EVI5: variants seen among roughly 807,000 people sequenced by gnomAD.
EVI5 encodes ecotropic viral integration site 5.
A neutral mutation model predicts 112.0 loss-of-function variants in EVI5; 73 were observed. The ratio of observed to expected loss-of-function variants is 0.65; its 90% confidence interval spans 0.54 to 0.79. The LOEUF (loss-of-function observed/expected upper bound fraction) is 0.79. Among genes scored for constraint, EVI5 ranks in the 30% least tolerant of loss-of-function variants. The pLI is 0.00. For synonymous variants in EVI5, 305 were observed against 319.9 expected, an observed-to-expected ratio of 0.95 and a Z score of 0.50; for missense variants, 900 against 968.8, an observed-to-expected ratio of 0.93 and a Z score of 0.94.
At chr1:92,627,678 G>A (rs1170333012) in intron 14 of EVI5, among the ~76,000 whole-genome samples, 1 of 152,110 alleles carries the variant, frequency 6.6e-6, no homozygotes, top group Non-Finnish European at 1.5e-5. Flanking sequence ...TTGCATCCAC[G>A]CCAACATCTA....
chr1:92,694,639 C>T (rs1297746702), intron 7 of EVI5, among the ~76,000 whole-genome samples: 3 of 152,108 alleles, frequency 2.0e-5, no homozygotes, highest in Non-Finnish European at 1.5e-5. Flanking sequence ...GGGTTGTGTT[C>T]TAGGAAAACT....
At chr1:92,546,744 G>A (rs929509176) in intron 19 of EVI5, among the ~76,000 whole-genome samples, 10 of 151,970 alleles carry the variant, frequency 6.6e-5, no homozygotes, top group African/African-American at 2.4e-4. Flanking sequence ...GATCAAAAGA[G>A]ACAAAGAAGG....
At chr1:92,652,560 A>G (rs1192908758) in intron 13 of EVI5, among the ~76,000 whole-genome samples, 1 of 152,234 alleles carries the variant, frequency 6.6e-6, no homozygotes, top group African/African-American at 2.4e-5. Flanking sequence ...AAGAAATAAA[A>G]TCAGTATGTT....
intron 1 of EVI5, among the ~76,000 whole-genome samples, chr1:92,744,309 A>G (rs1474377705): frequency 3.9e-5 from 6 of 152,174 alleles, no homozygotes; most frequent in Non-Finnish European, 5.9e-5. Context: ...CAGTCTATAT[A>G]TATCAATTAA....
intron 1 of EVI5, among the ~76,000 whole-genome samples, chr1:92,781,336 G>A (rs1684835457): frequency 6.6e-6 from 1 of 151,756 alleles, no homozygotes; most frequent in African/African-American, 2.4e-5. Flanking sequence ...TTGAAACCCT[G>A]ACTCTACAAA....
chr1:92,597,137 A>G (rs1047923502), intron 18 of EVI5, among the ~76,000 whole-genome samples: 1 of 152,184 alleles, frequency 6.6e-6, no homozygotes, highest in Non-Finnish European at 1.5e-5. Context: ...ACCAATACAG[A>G]ATCTCTAGCA....
Position 92,510,857 on chromosome 1 carries a change from T to C in EVI5, c.*2799A>G, listed in dbSNP as rs976244381. The stretch of plus-strand genomic sequence containing the variant: ...AGTAAAAACTGGCAGCTGACTGCAA[T>C]AGCTTGTAGGCTGCACTTTGCTGAC... On this transcript the variant is annotated 3_prime_UTR_variant, in exon 20 of 20. Coordinates refer to ENST00000684568, the MANE Select transcript of EVI5 (RefSeq NM_001350197.2). 2.6e-5 allele frequency: 4 copies of C among 152,252 alleles called. No homozygotes were observed. The highest frequency in any genetic ancestry group is 5.9e-5 in the Non-Finnish European group (4 of 68,042). The allele number at this position is 152,252 out of a possible 1,614,324, so 9.4% of individuals were successfully genotyped here.
chr1:92,752,501 T>C (rs567408764), intron 1 of EVI5, among the ~76,000 whole-genome samples: 7 of 152,140 alleles, frequency 4.6e-5, no homozygotes, highest in African/African-American at 9.6e-5. Flanking sequence ...TTAATACAGA[T>C]ATTTTTTTCA....
intron 2 of EVI5, among the ~76,000 whole-genome samples, chr1:92,721,369 A>G (rs1674725697): frequency 6.6e-6 from 1 of 152,162 alleles, no homozygotes; most frequent in Non-Finnish European, 1.5e-5. Flanking sequence ...GAGTTCATGT[A>G]CTTTGTAGGG....
At chr1:92,659,485 CAT>C (rs1234240622) in intron 13 of EVI5, among the ~76,000 whole-genome samples, 3 of 152,082 alleles carry the variant, frequency 2.0e-5, no homozygotes, top group Admixed American at 6.5e-5. Flanking sequence ...GGCTAACAAA[CAT>C]ATGAAAAAAA....
chr1:92,540,349 T>G (rs1356944308), intron 19 of EVI5, among the ~76,000 whole-genome samples: 1 of 152,182 alleles, frequency 6.6e-6, no homozygotes, highest in Non-Finnish European at 1.5e-5. Flanking sequence ...TGCAACATTT[T>G]TATTATCTGT....
intron 13 of EVI5, among the ~76,000 whole-genome samples, chr1:92,654,186 C>A (rs1662634831): frequency 1.3e-5 from 2 of 152,112 alleles, no homozygotes; most frequent in Non-Finnish European, 2.9e-5. Flanking sequence ...GAACTTCCCC[C>A]ATTAAACAAA....
At chr1:92,551,435 AT>A (rs1186843332) in intron 19 of EVI5, among the ~76,000 whole-genome samples, 1 of 152,188 alleles carries the variant, frequency 6.6e-6, no homozygotes, top group Non-Finnish European at 1.5e-5. Flanking sequence ...AGTAGGAATA[AT>A]CAGCTTTGAA....
intron 16 of EVI5, among the ~76,000 whole-genome samples, chr1:92,619,816 A>G (rs1424339476): frequency 6.6e-6 from 1 of 152,118 alleles, no homozygotes; most frequent in East Asian, 1.9e-4. Context: ...TAACAGACGT[A>G]AAGAATACCT....
At chr1:92,744,757 T>A (rs1679011897) in intron 1 of EVI5, among the ~76,000 whole-genome samples, 2 of 152,106 alleles carry the variant, frequency 1.3e-5, no homozygotes, top group Non-Finnish European at 2.9e-5. Flanking sequence ...TAAAAGGATG[T>A]TTGCATTTTG....
chr1:92,603,799 G>A (rs1262981534), intron 18 of EVI5, among the ~76,000 whole-genome samples: 1 of 151,884 alleles, frequency 6.6e-6, no homozygotes, highest in East Asian at 1.9e-4. Context: ...TGTGATCATG[G>A]CTTACTGCAG....
At chr1:92,596,169 G>C (rs957637967) in intron 18 of EVI5, among the ~76,000 whole-genome samples, 1 of 151,970 alleles carries the variant, frequency 6.6e-6, no homozygotes, top group Non-Finnish European at 1.5e-5. Flanking sequence ...CCAGTCTGGG[G>C]AACATGGCGA....
At chr1:92,699,949 T>C (rs1184460116) in intron 5 of EVI5, among the ~76,000 whole-genome samples, 2 of 152,172 alleles carry the variant, frequency 1.3e-5, no homozygotes, top group Admixed American at 1.3e-4. Context: ...AGCATTGATA[T>C]GGGAACTAGA....
chr1:92,620,450 A>AG (rs554310460), intron 16 of EVI5, among the ~76,000 whole-genome samples: 171 of 151,272 alleles, frequency 1.1e-3, no homozygotes, highest in Non-Finnish European at 2.0e-3. Context: ...AAAAAAAGAG[A>AG]GAAAAAAAAA....
Sources: gnomAD v4.1 joint callset for allele counts (sites outside exome capture counted in the v4.1 genomes callset) on GRCh38, gnomAD v4.1.1 for gene constraint, MANE v1.5 for transcripts, NCBI Gene and HGNC (gene_info 2026-07-23, HGNC 2026-07-21) for gene names.